Variants in ATOSA observed in about 807,000 individuals in gnomAD.
ATOSA encodes atos homolog A.
the ATOSA span, chr15:52,678,421 C>A: frequency 2.9e-5 from 6 of 204,918 alleles, no homozygotes; most frequent in Non-Finnish European, 4.9e-5. Context: ...TTGAGCAACA[C>A]AAACTAACCC....
chr15:52,646,074 A>C, the ATOSA span, among the ~76,000 whole-genome samples: 2 of 152,206 alleles, frequency 1.3e-5, no homozygotes, highest in African/African-American at 4.8e-5. Context: ...AAATGGTTAC[A>C]ACATAGGCTG....
the ATOSA span, among the ~76,000 whole-genome samples, chr15:52,626,859 T>G: frequency 2.6e-5 from 4 of 152,218 alleles, no homozygotes; most frequent in Non-Finnish European, 5.9e-5. Flanking sequence ...TTTGTCAGTT[T>G]ACTGTCAAGG....
chr15:52,626,058 G>A, the ATOSA span, among the ~76,000 whole-genome samples: 12 of 152,290 alleles, frequency 7.9e-5, no homozygotes, highest in East Asian at 3.9e-4. Context: ...GGCTCATAGT[G>A]TATGCCATAT....
the ATOSA span, among the ~76,000 whole-genome samples, chr15:52,605,504 A>G: frequency 6.6e-6 from 1 of 152,176 alleles, no homozygotes; most frequent in South Asian, 2.1e-4. Flanking sequence ...CAAAAATCCC[A>G]AATCTGAAAC....
the ATOSA span, among the ~76,000 whole-genome samples, chr15:52,596,892 C>G: frequency 6.6e-6 from 1 of 152,138 alleles, no homozygotes; most frequent in Admixed American, 6.5e-5. Context: ...AGCCAAACTT[C>G]AGACTTGGAA....
At chr15:52,666,158 G>A in the ATOSA span, among the ~76,000 whole-genome samples, 25 of 152,164 alleles carry the variant, frequency 1.6e-4, no homozygotes, top group Non-Finnish European at 2.9e-4. Context: ...TATTACTAGT[G>A]TAATTTTTAA....
At chr15:52,609,401 G>T in the ATOSA span, 3 of 1,613,676 alleles carry the variant, frequency 1.9e-6, no homozygotes, top group African/African-American at 4.0e-5. Context: ...AATGACTGCC[G>T]GGGGATATGT....
At chr15:52,641,955 A>T in the ATOSA span, among the ~76,000 whole-genome samples, 1 of 152,248 alleles carries the variant, frequency 6.6e-6, no homozygotes, top group African/African-American at 2.4e-5. Flanking sequence ...AACTTCAGGC[A>T]GCCAAGTATA....
the ATOSA span, among the ~76,000 whole-genome samples, chr15:52,672,680 C>G: frequency 6.6e-6 from 1 of 152,172 alleles, no homozygotes; most frequent in Non-Finnish European, 1.5e-5. Context: ...GCAGAAGGCT[C>G]AGACCCCATG....
chr15:52,662,559 A>C, the ATOSA span, among the ~76,000 whole-genome samples: 1 of 152,136 alleles, frequency 6.6e-6, no homozygotes, highest in Non-Finnish European at 1.5e-5. Flanking sequence ...TCACAAGGTC[A>C]GGAGATCGAG....
At chr15:52,583,692 T>C in the ATOSA span, among the ~76,000 whole-genome samples, 1 of 152,188 alleles carries the variant, frequency 6.6e-6, no homozygotes, top group Non-Finnish European at 1.5e-5. Flanking sequence ...GGCTATACCA[T>C]GTCTTTTAAA....
At chr15:52,628,141 T>C in the ATOSA span, among the ~76,000 whole-genome samples, 2 of 152,196 alleles carry the variant, frequency 1.3e-5, no homozygotes, top group African/African-American at 2.4e-5. Flanking sequence ...CTTAGATATA[T>C]CTAATGCTGT....
the ATOSA span, among the ~76,000 whole-genome samples, chr15:52,610,794 T>C: frequency 6.6e-6 from 1 of 152,234 alleles, no homozygotes; most frequent in South Asian, 2.1e-4. Context: ...AGCCTATATG[T>C]TTACATTATC....
At chr15:52,657,567 T>C in the ATOSA span, 1 of 152,190 alleles carries the variant, frequency 6.6e-6, no homozygotes, top group Admixed American at 6.5e-5. Context: ...TTCCCTAAGC[T>C]AACAAACTTC....
At chr15:52,612,525 A>G in the ATOSA span, among the ~76,000 whole-genome samples, 2 of 127,144 alleles carry the variant, frequency 1.6e-5, no homozygotes, top group Non-Finnish European at 3.2e-5. Context: ...TTTTTTTGAG[A>G]TGGAGTCTCA....
the ATOSA span, among the ~76,000 whole-genome samples, chr15:52,636,086 TAATAA>T: frequency 6.9e-6 from 1 of 145,310 alleles, no homozygotes; most frequent in Non-Finnish European, 1.5e-5. Context: ...TAAATTAAAA[TAATAA>T]AATTAAATAT....
At chr15:52,618,516 G>A in the ATOSA span, among the ~76,000 whole-genome samples, 2 of 152,156 alleles carry the variant, frequency 1.3e-5, no homozygotes, top group Non-Finnish European at 2.9e-5. Flanking sequence ...AGTGCAATGA[G>A]AGAGTGAAAG....
chr15:52,634,117 A>AT, the ATOSA span, among the ~76,000 whole-genome samples: 1 of 152,168 alleles, frequency 6.6e-6, no homozygotes, highest in South Asian at 2.1e-4. Flanking sequence ...AATTTAAAAA[A>AT]AATCTAAAGA....
the ATOSA span, among the ~76,000 whole-genome samples, chr15:52,691,118 T>G: frequency 1.1e-4 from 16 of 152,312 alleles, no homozygotes; most frequent in African/African-American, 3.1e-4. Context: ...GGGATTTTTT[T>G]TTTTCCTAGT....
Sources: allele counts gnomAD v4.1 joint callset (sites outside exome capture counted in the v4.1 genomes callset), GRCh38; gene constraint gnomAD v4.1.1; transcripts MANE v1.5; gene names NCBI Gene and HGNC (gene_info 2026-07-23, HGNC 2026-07-21).